The following DENND1A variants were observed in gnomAD, a reference collection of about 807,000 sequenced individuals.
DENND1A encodes DENN domain-containing protein 1A.
Under a neutral mutation model 113.7 loss-of-function variants are expected in DENND1A, and 51 were observed. The ratio of observed to expected loss-of-function variants is 0.45; its 90% CI spans 0.36 to 0.57. The LOEUF (loss-of-function observed/expected upper bound fraction) is 0.57. Among genes scored for constraint, DENND1A ranks in the 20% least tolerant of loss-of-function variants. DENND1A has a pLI of 0.00. For missense variants in DENND1A, 1,258 were observed against 1,395.9 expected (o/e 0.90, Z 1.57); for synonymous variants, 565 against 570.8 (o/e 0.99, Z 0.14).
At chr9:123,550,449 G>A (rs535942038) in intron 13 of DENND1A, among the ~76,000 whole-genome samples, 7 of 152,312 alleles carry the variant, frequency 4.6e-5, no homozygotes, top group Middle Eastern at 3.4e-3. Flanking sequence ...AGAAGAGGAC[G>A]CGTCTTCAAA....
chr9:123,700,797 CCAT>C (rs1314763230), intron 5 of DENND1A, among the ~76,000 whole-genome samples: 3 of 152,168 alleles, frequency 2.0e-5, no homozygotes, highest in Non-Finnish European at 2.9e-5. Context: ...ACAAGATTAA[CCAT>C]CATAACATCT....
At chr9:123,621,150 T>G (rs541021912) in intron 10 of DENND1A, among the ~76,000 whole-genome samples, 1 of 151,434 alleles carries the variant, frequency 6.6e-6, no homozygotes, top group East Asian at 1.9e-4. Context: ...GTCTATATAT[T>G]TAGTTGATGC....
chr9:123,636,284 T>C (rs1276177837), intron 9 of DENND1A, among the ~76,000 whole-genome samples: 1 of 152,002 alleles, frequency 6.6e-6, no homozygotes, highest in Non-Finnish European at 1.5e-5. Context: ...GGCTATGGAT[T>C]TGAGCTGTTC....
At chr9:123,772,700 T>G (rs966839697) in intron 3 of DENND1A, among the ~76,000 whole-genome samples, 4 of 152,164 alleles carry the variant, frequency 2.6e-5, no homozygotes, top group African/African-American at 7.2e-5. Context: ...CAGTTTGATT[T>G]TTTAACATTT....
intron 5 of DENND1A, among the ~76,000 whole-genome samples, chr9:123,706,893 A>G: frequency 6.6e-6 from 1 of 152,090 alleles, no homozygotes; most frequent in East Asian, 1.9e-4. Flanking sequence ...GAAGACTAAG[A>G]ATAGAGTTGA....
intron 13 of DENND1A, among the ~76,000 whole-genome samples, chr9:123,547,124 G>A (rs939521099): frequency 1.3e-5 from 2 of 152,236 alleles, no homozygotes; most frequent in African/African-American, 4.8e-5. Context: ...TCCCTGTGAC[G>A]TGGGCAGTGG....
At chr9:123,915,893 ACT>A (rs777922641) in intron 1 of DENND1A, among the ~76,000 whole-genome samples, 1 of 151,120 alleles carries the variant, frequency 6.6e-6, no homozygotes, top group Non-Finnish European at 1.5e-5. Flanking sequence ...TTTGACAAAC[ACT>A]CTGTTGATGA....
At chr9:123,611,740 C>A (rs1028115994) in intron 10 of DENND1A, among the ~76,000 whole-genome samples, 1 of 152,026 alleles carries the variant, frequency 6.6e-6, no homozygotes, top group Non-Finnish European at 1.5e-5. Context: ...GACATTCAAA[C>A]GGTTGAAAAT....
intron 13 of DENND1A, among the ~76,000 whole-genome samples, chr9:123,472,379 G>C (rs1387290777): frequency 6.6e-6 from 1 of 152,218 alleles, no homozygotes; most frequent in Admixed American, 6.5e-5. Flanking sequence ...GCGAGGAGCT[G>C]TGTCACTGGG....
intron 5 of DENND1A, among the ~76,000 whole-genome samples, chr9:123,741,946 A>G (rs2069061832): frequency 6.6e-6 from 1 of 152,240 alleles, no homozygotes; most frequent in South Asian, 2.1e-4. Flanking sequence ...GTACTGAGGG[A>G]TAATTCTGAT....
chr9:123,632,239 A>G (rs2061507738), intron 9 of DENND1A, among the ~76,000 whole-genome samples: 1 of 149,556 alleles, frequency 6.7e-6, no homozygotes, highest in Non-Finnish European at 1.5e-5. Context: ...TTCTTGAGCC[A>G]GGTCCATGCC....
chr9:123,833,495 G>T (rs1404569364), intron 2 of DENND1A, among the ~76,000 whole-genome samples: 1 of 152,050 alleles, frequency 6.6e-6, no homozygotes, highest in African/African-American at 2.4e-5. Context: ...TGAGAACCCT[G>T]CCAATTCCTA....
rs545506773 is a variant in DENND1A at position 123,695,174 on chromosome 9, C to G, written c.303-18385G>C. 5.9e-5 allele frequency among the ~76,000 whole-genome samples: 9 copies of G among 151,848 alleles called. 1 individual carries two copies. Among genetic ancestry groups the G allele is most frequent in the Admixed American group, 5.9e-4 (9 of 15,260 alleles). Reference sequence around the variant, plus strand: ...GCTTGCAGATAGACTATTGTGAGACCTTGTGATTGTGTAAGTTAATACTTA... The same window carrying G: ...GCTTGCAGATAGACTATTGTGAGACGTTGTGATTGTGTAAGTTAATACTTA... On this transcript the variant is annotated intron_variant, in intron 5 of 23. Coordinates refer to ENST00000394215, the MANE Select transcript of DENND1A (RefSeq NM_001352964.2).
chr9:123,649,622 T>G (rs1362749009), intron 9 of DENND1A, among the ~76,000 whole-genome samples: 2 of 152,230 alleles, frequency 1.3e-5, no homozygotes, highest in Non-Finnish European at 2.9e-5. Context: ...AAATAACCTA[T>G]TTAATTTTTA....
intron 12 of DENND1A, among the ~76,000 whole-genome samples, chr9:123,564,980 C>T (rs199666795): frequency 7.1e-4 from 54 of 75,734 alleles, no homozygotes; most frequent in Admixed American, 1.0e-3. Context: ...TCTGTCCCTT[C>T]TTTTTTTTTT....
At chr9:123,914,469 C>G (rs778672158) in intron 1 of DENND1A, among the ~76,000 whole-genome samples, 2 of 146,804 alleles carry the variant, frequency 1.4e-5, no homozygotes, top group Non-Finnish European at 3.0e-5. Flanking sequence ...GGCATGAACC[C>G]GGAAGGCCAA....
chr9:123,873,849 C>A (rs1564425033), intron 2 of DENND1A, among the ~76,000 whole-genome samples: 1 of 151,822 alleles, frequency 6.6e-6, no homozygotes, highest in Non-Finnish European at 1.5e-5. Context: ...TTCAAGCGAT[C>A]CTCCTGCCTC....
intron 13 of DENND1A, among the ~76,000 whole-genome samples, chr9:123,518,123 T>C (rs1196694884): frequency 6.6e-6 from 1 of 152,160 alleles, no homozygotes; most frequent in Non-Finnish European, 1.5e-5. Context: ...GCATTAGGGA[T>C]TCACCTACAC....
At chr9:123,878,561 T>C (rs568678680) in intron 2 of DENND1A, among the ~76,000 whole-genome samples, 2 of 152,344 alleles carry the variant, frequency 1.3e-5, no homozygotes, top group South Asian at 4.1e-4. Context: ...GGCAGAGAAT[T>C]TCCTTTATAT....
Sources: gnomAD v4.1 joint callset for allele counts (sites outside exome capture counted in the v4.1 genomes callset) on GRCh38, gnomAD v4.1.1 for gene constraint, MANE v1.5 for transcripts, NCBI Gene and HGNC (gene_info 2026-07-23, HGNC 2026-07-21) for gene names.